Variants in PTPRT observed in about 807,000 individuals in gnomAD.
PTPRT encodes the protein protein tyrosine phosphatase receptor type T.
In PTPRT, 56 loss-of-function variants were observed where a neutral mutation model predicts 176.8. The ratio of observed to expected loss-of-function variants is 0.32; its 90% confidence interval spans 0.26 to 0.40. The LOEUF (loss-of-function observed/expected upper bound fraction) is 0.40. PTPRT is among the 10% of genes least tolerant of loss of function. The pLI, the probability that PTPRT is intolerant of heterozygous loss-of-function variation, is 1.00. For synonymous variants in PTPRT, 783 were observed against 739.0 expected (o/e 1.06, Z -0.96); for missense variants, 1,540 against 1,908.2 (o/e 0.81, Z 3.60).
At chr20:42,430,830 T>C (rs1174828299) in intron 9 of PTPRT, among the ~76,000 whole-genome samples, 5 of 152,216 alleles carry the variant, frequency 3.3e-5, no homozygotes, top group Non-Finnish European at 7.3e-5. Context: ...GAGAGTATCA[T>C]GAAAGCTGAC....
chr20:42,440,121 G>A (rs571493871), intron 9 of PTPRT, among the ~76,000 whole-genome samples: 83 of 152,160 alleles, frequency 5.5e-4, no homozygotes, highest in Non-Finnish European at 2.9e-4. Context: ...TGGCCAGGAC[G>A]GTCTCAATCT....
chr20:42,361,406 C>T (rs1409578873), intron 9 of PTPRT, among the ~76,000 whole-genome samples: 1 of 152,006 alleles, frequency 6.6e-6, no homozygotes, highest in East Asian at 1.9e-4. Flanking sequence ...TGTTTATATC[C>T]CCTGACTCCC....
At chr20:42,209,580 T>A (rs2055566693) in intron 15 of PTPRT, among the ~76,000 whole-genome samples, 1 of 152,068 alleles carries the variant, frequency 6.6e-6, no homozygotes, top group African/African-American at 2.4e-5. Context: ...ACATACACTC[T>A]CCCAAGACTA....
chr20:42,992,193 C>A (rs76859261), intron 1 of PTPRT, among the ~76,000 whole-genome samples: 9,557 of 152,174 alleles, frequency 0.063, 337 homozygotes, highest in Non-Finnish European at 0.08. Flanking sequence ...AGGACACATC[C>A]AAGAGGTTTT....
At chr20:42,947,595 G>A (rs1343349729) in intron 1 of PTPRT, among the ~76,000 whole-genome samples, 2 of 152,286 alleles carry the variant, frequency 1.3e-5, no homozygotes, top group East Asian at 3.9e-4. Context: ...TACACAATAA[G>A]AGAAAGCCTC....
chr20:42,536,278 A>C (rs1041652005), intron 7 of PTPRT, among the ~76,000 whole-genome samples: 7 of 152,172 alleles, frequency 4.6e-5, no homozygotes, highest in African/African-American at 7.2e-5. Flanking sequence ...TATCTCCTTT[A>C]ATCCTTACAG....
rs76012303 is a variant in PTPRT, at chr20:42,783,249, G to A, written c.487-2950C>T. Among the ~76,000 whole-genome samples, 1,419 of 152,222 alleles carry A rather than the reference G, an allele frequency of 9.3e-3. 32 individuals are homozygous for A. Among genetic ancestry groups the A allele is most frequent in the African/African-American group, 0.032 (1,331 of 41,528 alleles). The stretch of plus-strand genomic sequence containing the variant: ...ATAACTATGGTGTCAAGTGTGCTTT[G>A]TATGTTAGCAAAAATCTAAAACAAA... On this transcript the variant is annotated intron_variant, in intron 3 of 30. Coordinates refer to ENST00000373187, the MANE Select transcript of PTPRT (RefSeq NM_007050.6).
intron 9 of PTPRT, among the ~76,000 whole-genome samples, chr20:42,379,906 T>C (rs1166228426): frequency 6.6e-6 from 1 of 152,180 alleles, no homozygotes. Flanking sequence ...TCAGAGCATT[T>C]TCTCATGGGC....
At chr20:42,582,503 T>C (rs991833317) in intron 7 of PTPRT, among the ~76,000 whole-genome samples, 2 of 151,924 alleles carry the variant, frequency 1.3e-5, no homozygotes, top group Admixed American at 6.6e-5. Context: ...AGGGGGTGAG[T>C]CCGCCTGAAA....
chr20:42,374,491 A>G (rs2058627766), intron 9 of PTPRT, among the ~76,000 whole-genome samples: 1 of 152,238 alleles, frequency 6.6e-6, no homozygotes, highest in Non-Finnish European at 1.5e-5. Context: ...ACAATCAAAT[A>G]ATATTAAAGG....
chr20:42,623,568 G>A (rs2074237251), intron 7 of PTPRT, among the ~76,000 whole-genome samples: 1 of 152,178 alleles, frequency 6.6e-6, no homozygotes, highest in Non-Finnish European at 1.5e-5. Context: ...AGAATTCAGT[G>A]CTTATTCCAT....
At chr20:42,642,174 C>T (rs2074772356) in intron 7 of PTPRT, among the ~76,000 whole-genome samples, 1 of 152,160 alleles carries the variant, frequency 6.6e-6, no homozygotes, top group Admixed American at 6.5e-5. Context: ...AGAGGATTCA[C>T]ACACTCCTGG....
chr20:42,280,128 G>A (rs192121995), intron 13 of PTPRT, among the ~76,000 whole-genome samples: 72 of 152,286 alleles, frequency 4.7e-4, no homozygotes, highest in Non-Finnish European at 8.5e-4. Context: ...TGGTCAGGAA[G>A]GGATGGGATA....
rs1014286014 is a variant in PTPRT, at chr20:42,350,699, G to A, written c.1794C>T (p.Thr598=). 3 of 1,613,750 alleles carry A rather than the reference G, an allele frequency of 1.9e-6. No individual in the cohort carries two copies. Among genetic ancestry groups the A allele is most frequent in the Non-Finnish European group, 1.7e-6 (2 of 1,179,662 alleles). The stretch of plus-strand genomic sequence containing the variant: ...TGGTCGTGTCTGTCTCATTCAATGG[G>A]GTGTCTGTGTCGTACTCAGGCATGG... ...APSMPEYDTD[T]PLNETDTTIT... Residue 598 remains threonine, a synonymous_variant, in exon 11 of 31, where the codon ACC becomes ACT. Transcript: ENST00000373187.
chr20:42,253,687 C>T (rs1327383840), intron 13 of PTPRT, among the ~76,000 whole-genome samples: 1 of 152,162 alleles, frequency 6.6e-6, no homozygotes. Context: ...TGAGGCTCTA[C>T]TTGAGTCTCC....
intron 11 of PTPRT, among the ~76,000 whole-genome samples, chr20:42,333,673 CAT>C (rs1457585693): frequency 6.6e-6 from 1 of 151,720 alleles, no homozygotes; most frequent in African/African-American, 2.4e-5. Context: ...TATTTGTTAA[CAT>C]GTGGCTTTAA....
intron 2 of PTPRT, among the ~76,000 whole-genome samples, chr20:42,856,128 A>T (rs952606844): frequency 1.6e-4 from 25 of 152,218 alleles, no homozygotes; most frequent in African/African-American, 5.8e-4. Context: ...TGACAATTCA[A>T]TAGACCTAAA....
chr20:42,762,680 T>C (rs9808582), intron 5 of PTPRT, among the ~76,000 whole-genome samples: 27,263 of 152,220 alleles, frequency 0.18, 2,668 homozygotes, highest in African/African-American at 0.24. Context: ...TCTATCTGCA[T>C]ATCAAGCTAC....
chr20:42,684,899 G>C (rs1276489087), intron 6 of PTPRT, among the ~76,000 whole-genome samples: 1 of 152,064 alleles, frequency 6.6e-6, no homozygotes, highest in Non-Finnish European at 1.5e-5. Context: ...TAACACCATG[G>C]GGCAGCTCCC....
Sources: allele counts gnomAD v4.1 joint callset (sites outside exome capture counted in the v4.1 genomes callset), GRCh38; gene constraint gnomAD v4.1.1; transcripts MANE v1.5; gene names NCBI Gene and HGNC (gene_info 2026-07-23, HGNC 2026-07-21).